FGF14: variants seen among roughly 807,000 people sequenced by gnomAD.
The protein encoded by FGF14 is fibroblast growth factor 14.
Under a neutral mutation model 25.5 loss-of-function variants are expected in FGF14, and 5 were observed. The observed-to-expected ratio is 0.20, with a 90% CI of 0.10 to 0.41. The LOEUF (loss-of-function observed/expected upper bound fraction) is 0.41, where lower values mean the gene tolerates loss of function less well. Ranked by LOEUF, FGF14 falls within the 10% of genes least tolerant of loss-of-function variation. FGF14 has a pLI of 1.00. For synonymous variants in FGF14, 138 were observed against 118.3 expected (o/e 1.17, Z -1.08); for missense variants, 222 against 320.1 (o/e 0.69, Z 2.34).
At chr13:102,315,225 A>C (rs1210704176) in intron 1 of FGF14, among the ~76,000 whole-genome samples, 1 of 152,146 alleles carries the variant, frequency 6.6e-6, no homozygotes, top group Non-Finnish European at 1.5e-5. Flanking sequence ...AAAATCTGGC[A>C]TTCCTCCTTT....
At chr13:101,919,481 C>T (rs889436120), upstream of FGF14, among the ~76,000 whole-genome samples, 6 of 151,770 alleles carry the variant, frequency 4.0e-5, no homozygotes, top group South Asian at 6.3e-4. Context: ...TTCTTATAGC[C>T]GTGCCTCTAT....
At chr13:101,873,973 A>C in intron 2 of FGF14, among the ~76,000 whole-genome samples, 1 of 152,142 alleles carries the variant, frequency 6.6e-6, no homozygotes, top group East Asian at 1.9e-4. Flanking sequence ...CACGGAGGAC[A>C]ATGTAGATAT....
intron 1 of FGF14, among the ~76,000 whole-genome samples, chr13:102,246,874 A>G (rs1397770732): frequency 1.3e-5 from 2 of 152,036 alleles, no homozygotes. Flanking sequence ...ACATCATGGT[A>G]CTAGTACAAA....
chr13:101,767,117 G>A (rs370985834), intron 3 of FGF14, among the ~76,000 whole-genome samples: 7 of 152,078 alleles, frequency 4.6e-5, no homozygotes, highest in East Asian at 1.9e-4. Flanking sequence ...CTGAATTATC[G>A]TAGGCCTTTA....
intron 3 of FGF14, among the ~76,000 whole-genome samples, chr13:101,839,457 G>A (rs2043094282): frequency 6.6e-6 from 1 of 151,942 alleles, no homozygotes; most frequent in African/African-American, 2.4e-5. Flanking sequence ...CAGTGCTCCT[G>A]GCTTAATACA....
chr13:101,945,215 G>C (rs2035725925), intron 1 of FGF14, among the ~76,000 whole-genome samples: 1 of 152,148 alleles, frequency 6.6e-6, no homozygotes, highest in South Asian at 2.1e-4. Context: ...CTACTTGGGA[G>C]GCTGAGGCAG....
At chr13:102,163,334 C>A (rs540562208) in intron 1 of FGF14, among the ~76,000 whole-genome samples, 5 of 152,016 alleles carry the variant, frequency 3.3e-5, no homozygotes, top group Non-Finnish European at 7.4e-5. Flanking sequence ...TATGGTCTAC[C>A]GGAAGAGGGG....
chr13:102,029,356 A>G (rs892672761), intron 1 of FGF14, among the ~76,000 whole-genome samples: 2 of 152,084 alleles, frequency 1.3e-5, no homozygotes, highest in African/African-American at 4.8e-5. Flanking sequence ...CTAGATCCCC[A>G]TATTTATAAA....
intron 1 of FGF14, among the ~76,000 whole-genome samples, chr13:102,203,100 G>A (rs1375350052): frequency 6.6e-6 from 1 of 151,946 alleles, no homozygotes; most frequent in Non-Finnish European, 1.5e-5. Context: ...ATCATTTAAA[G>A]CACAGGGCAA....
intron 1 of FGF14, among the ~76,000 whole-genome samples, chr13:102,303,489 T>C (rs1279454542): frequency 2.0e-5 from 3 of 152,200 alleles, no homozygotes; most frequent in East Asian, 3.8e-4. Flanking sequence ...AAATGAATAA[T>C]TGAGTGGAAA....
chr13:102,146,505 C>T (rs2046862162), intron 1 of FGF14, among the ~76,000 whole-genome samples: 1 of 152,112 alleles, frequency 6.6e-6, no homozygotes, highest in Admixed American at 6.6e-5. Flanking sequence ...TTGAAGCTGC[C>T]TTTATAACAA....
At chr13:101,844,333 T>A (rs537012737) in intron 3 of FGF14, among the ~76,000 whole-genome samples, 1 of 152,038 alleles carries the variant, frequency 6.6e-6, no homozygotes, top group East Asian at 1.9e-4. Context: ...ACTCTCAACC[T>A]CACAAGACAC....
chr13:102,362,737 T>C (rs1827800210), intron 1 of FGF14, among the ~76,000 whole-genome samples: 1 of 152,160 alleles, frequency 6.6e-6, no homozygotes, highest in Non-Finnish European at 1.5e-5. Context: ...ACCACTATTT[T>C]ATCCAATGCC....
intron 1 of FGF14, among the ~76,000 whole-genome samples, chr13:102,140,727 A>T (rs748398771): frequency 6.6e-6 from 1 of 152,164 alleles, no homozygotes; most frequent in Admixed American, 6.5e-5. Flanking sequence ...AGACTCCCTG[A>T]CCCTTTAGCA....
intron 1 of FGF14, among the ~76,000 whole-genome samples, chr13:102,119,975 T>C (rs2045643473): frequency 1.3e-5 from 2 of 152,116 alleles, no homozygotes; most frequent in South Asian, 4.1e-4. Context: ...AACATTGCCC[T>C]CACCCATCAT....
intron 1 of FGF14, among the ~76,000 whole-genome samples, chr13:101,939,965 T>C (rs1444473139): frequency 6.6e-6 from 1 of 152,200 alleles, no homozygotes; most frequent in African/African-American, 2.4e-5. Flanking sequence ...TGCAGACGGA[T>C]ATATTACAAC....
intron 1 of FGF14, among the ~76,000 whole-genome samples, chr13:101,973,330 G>C (rs1185732933): frequency 6.6e-6 from 1 of 152,086 alleles, no homozygotes; most frequent in Non-Finnish European, 1.5e-5. Context: ...TGAACACCAT[G>C]TATAAAGATA....
chr13:102,217,191 A>G (rs2050410933), intron 1 of FGF14, among the ~76,000 whole-genome samples: 1 of 152,206 alleles, frequency 6.6e-6, no homozygotes, highest in Admixed American at 6.5e-5. Flanking sequence ...TTCTTAATAC[A>G]ATGGCAATTT....
chr13:102,011,946 A>T (rs2040102706), intron 1 of FGF14, among the ~76,000 whole-genome samples: 2 of 152,200 alleles, frequency 1.3e-5, no homozygotes, highest in African/African-American at 4.8e-5. Context: ...GGCTTTGTTC[A>T]TGAATGGTAA....
Sources: allele counts gnomAD v4.1 joint callset (sites outside exome capture counted in the v4.1 genomes callset), GRCh38; gene constraint gnomAD v4.1.1; transcripts MANE v1.5; gene names NCBI Gene and HGNC (gene_info 2026-07-23, HGNC 2026-07-21).